Variants in PDZRN4 observed in about 807,000 individuals in gnomAD.
The protein encoded by PDZRN4 is PDZ domain-containing RING finger protein 4.
PDZRN4 carries 70 observed loss-of-function variants against 99.0 expected under a neutral mutation model. That is an observed-to-expected ratio of 0.71 (90% CI 0.58 to 0.86). The LOEUF (loss-of-function observed/expected upper bound fraction) is 0.86. Ranked by LOEUF, PDZRN4 falls within the 40% of genes least tolerant of loss-of-function variation. The pLI is 0.00. For missense variants in PDZRN4, 1,474 were observed against 1,331.2 expected, an observed-to-expected ratio of 1.11 and a Z score of -1.67; for synonymous variants, 551 against 501.6, an observed-to-expected ratio of 1.10 and a Z score of -1.32.
At chr12:41,521,737 A>C (rs1938495808) in intron 5 of PDZRN4, among the ~76,000 whole-genome samples, 1 of 152,106 alleles carries the variant, frequency 6.6e-6, no homozygotes, top group Non-Finnish European at 1.5e-5. Flanking sequence ...TTATTTTAAA[A>C]GGACTGTATG....
At chr12:41,517,367 C>T (rs1475640858) in intron 5 of PDZRN4, among the ~76,000 whole-genome samples, 3 of 151,954 alleles carry the variant, frequency 2.0e-5, no homozygotes, top group Non-Finnish European at 2.9e-5. Flanking sequence ...AGAGGATTTC[C>T]TTGCATTACT....
chr12:41,264,917 A>T (rs1042867626), intron 3 of PDZRN4, among the ~76,000 whole-genome samples: 1 of 152,152 alleles, frequency 6.6e-6, no homozygotes, highest in Non-Finnish European at 1.5e-5. Flanking sequence ...AGATGGAAAC[A>T]CTAGACACTG....
At chr12:41,389,213 TA>T in intron 3 of PDZRN4, among the ~76,000 whole-genome samples, 1 of 152,228 alleles carries the variant, frequency 6.6e-6, no homozygotes, top group Non-Finnish European at 1.5e-5. Flanking sequence ...TGATAAGATA[TA>T]AAAAATACTG....
intron 3 of PDZRN4, among the ~76,000 whole-genome samples, chr12:41,298,250 C>T (rs1034173791): frequency 3.3e-5 from 5 of 152,122 alleles, no homozygotes; most frequent in East Asian, 1.9e-4. Flanking sequence ...AATTGAACTT[C>T]GAAATTACTC....
At chr12:41,539,890 T>C (rs1938817718) in intron 5 of PDZRN4, among the ~76,000 whole-genome samples, 1 of 152,148 alleles carries the variant, frequency 6.6e-6, no homozygotes, top group Non-Finnish European at 1.5e-5. Context: ...CTTTTCTCAT[T>C]CATCAGATCA....
At chr12:41,411,556 A>T (rs1952400155) in intron 3 of PDZRN4, 2 of 152,214 alleles carry the variant, frequency 1.3e-5, no homozygotes, top group African/African-American at 2.4e-5. Flanking sequence ...GGCACTCATC[A>T]ACAAAAGCAC....
intron 3 of PDZRN4, among the ~76,000 whole-genome samples, chr12:41,299,267 A>G (rs2120926753): frequency 6.6e-6 from 1 of 150,564 alleles, no homozygotes; most frequent in African/African-American, 2.4e-5. Context: ...GAGTAAAATG[A>G]GAGAGAGAGA....
chr12:41,240,905 G>A (rs958561951), intron 3 of PDZRN4, among the ~76,000 whole-genome samples: 2 of 151,940 alleles, frequency 1.3e-5, no homozygotes, highest in Admixed American at 6.6e-5. Flanking sequence ...GAATTTTGGG[G>A]GAACACAACA....
At position 41,256,731 on chromosome 12, in the gene PDZRN4, C is replaced by G. The variant is rs191451650; in HGVS notation, c.843+62543C>G. On this transcript the variant is annotated intron_variant, in intron 3 of 9. Transcript: ENST00000402685. ...TCATATCTAAGTGTCTACCTGGCTACCTTCTTGTGTGTCTCAAGCCCTTTC... is the reference window on the plus strand; with the variant it reads ...TCATATCTAAGTGTCTACCTGGCTAGCTTCTTGTGTGTCTCAAGCCCTTTC... 1.4e-4 allele frequency among the ~76,000 whole-genome samples: 21 copies of G among 152,252 alleles called. 1 individual carries two copies. The highest frequency in any genetic ancestry group is 5.1e-4 in the African/African-American group (21 of 41,540).
At chr12:41,477,773 A>AT (rs1937618136) in intron 3 of PDZRN4, 2 of 751,606 alleles carry the variant, frequency 2.7e-6, no homozygotes. Flanking sequence ...TAAACATGAC[A>AT]TTATGAAAAG....
At chr12:41,195,716 C>T (rs1311604734) in intron 3 of PDZRN4, among the ~76,000 whole-genome samples, 3 of 152,108 alleles carry the variant, frequency 2.0e-5, no homozygotes, top group Admixed American at 1.3e-4. Flanking sequence ...CTATCCAGTT[C>T]ATCTTGACAA....
intron 3 of PDZRN4, among the ~76,000 whole-genome samples, chr12:41,419,883 A>G (rs976797997): frequency 3.9e-5 from 6 of 152,130 alleles, no homozygotes; most frequent in Admixed American, 6.6e-5. Flanking sequence ...ATTGCTTGGA[A>G]CTGCAATTGT....
chr12:41,317,048 GTATATATATATATA>G (rs33919115), intron 3 of PDZRN4, among the ~76,000 whole-genome samples: 2 of 69,584 alleles, frequency 2.9e-5, no homozygotes, highest in African/African-American at 7.3e-5. Flanking sequence ...CTTACATAAA[GTATATATATATATA>G]TATATATATA....
chr12:41,434,728 A>G (rs1952614302), intron 3 of PDZRN4, among the ~76,000 whole-genome samples: 3 of 152,178 alleles, frequency 2.0e-5, no homozygotes, highest in Admixed American at 6.5e-5. Flanking sequence ...TATATCTTGA[A>G]ATACACACAC....
chr12:41,372,603 G>C (rs150663163), intron 3 of PDZRN4, among the ~76,000 whole-genome samples: 1 of 152,136 alleles, frequency 6.6e-6, no homozygotes, highest in African/African-American at 2.4e-5. Context: ...CTTAGTTCAC[G>C]TACAGGGAAT....
At chr12:41,498,561 C>G (rs958981369) in intron 3 of PDZRN4, among the ~76,000 whole-genome samples, 1 of 152,044 alleles carries the variant, frequency 6.6e-6, no homozygotes, top group Non-Finnish European at 1.5e-5. Context: ...TTATCAGGAA[C>G]CCACTCATGT....
chr12:41,340,472 T>C (rs932787514), intron 3 of PDZRN4, among the ~76,000 whole-genome samples: 1 of 151,464 alleles, frequency 6.6e-6, no homozygotes, highest in Non-Finnish European at 1.5e-5. Flanking sequence ...GGATGGGTAA[T>C]GGGAAGAAAA....
At chr12:41,225,615 TTCTC>T (rs138381226) in intron 3 of PDZRN4, among the ~76,000 whole-genome samples, 5,250 of 152,240 alleles carry the variant, frequency 0.034, 118 homozygotes, top group Non-Finnish European at 0.051. Context: ...CTATTTTAAT[TTCTC>T]TCTGTTTTCT....
intron 3 of PDZRN4, among the ~76,000 whole-genome samples, chr12:41,295,227 C>G (rs911405860): frequency 6.6e-6 from 1 of 152,088 alleles, no homozygotes; most frequent in African/African-American, 2.4e-5. Context: ...AAGGTGTACT[C>G]TGGCCAAACC....
Sources: allele counts gnomAD v4.1 joint callset (sites outside exome capture counted in the v4.1 genomes callset), GRCh38; gene constraint gnomAD v4.1.1; transcripts MANE v1.5; gene names NCBI Gene and HGNC (gene_info 2026-07-23, HGNC 2026-07-21).